AGPAT4: variants seen among roughly 807,000 people sequenced by gnomAD.
AGPAT4 encodes 1-acyl-sn-glycerol-3-phosphate acyltransferase delta.
In AGPAT4, 15 loss-of-function variants were observed where a neutral mutation model predicts 48.0. The observed-to-expected ratio is 0.31, with a 90% CI of 0.21 to 0.48. The LOEUF is 0.48. Ranked by LOEUF, AGPAT4 falls within the 20% of genes least tolerant of loss-of-function variation. The pLI, the probability that AGPAT4 is intolerant of heterozygous loss-of-function variation, is 0.99. For missense variants in AGPAT4, 314 were observed against 482.5 expected, an observed-to-expected ratio of 0.65 and a Z score of 3.27; for synonymous variants, 178 against 198.7, an observed-to-expected ratio of 0.90 and a Z score of 0.88.
chr6:161,151,340 C>A (rs960604118), intron 5 of AGPAT4, among the ~76,000 whole-genome samples: 1 of 152,240 alleles, frequency 6.6e-6, no homozygotes, highest in Non-Finnish European at 1.5e-5. Context: ...CAGACGCGCC[C>A]GAGACCGGTG....
rs562827591 is a variant in AGPAT4, at chr6:161,264,806, G to A, written c.-90+9132C>T. Among the ~76,000 whole-genome samples the A allele has an allele frequency of 2.6e-5, 4 of 152,248 alleles. No individual in the cohort carries two copies. Among genetic ancestry groups the A allele is most frequent in the Admixed American group, 1.3e-4 (2 of 15,296 alleles). On this transcript the variant is annotated intron_variant, in intron 1 of 8. Coordinates refer to ENST00000320285, the MANE Select transcript of AGPAT4 (RefSeq NM_020133.3). The surrounding 1 kb of genome is among the most constrained non-coding windows in gnomAD (Gnocchi z 6.8). ...AGCCTGAAAGCGAGAAGGGAGAAGC[G>A]AGATGGGAAGATAAAAGGGAGGGAC...
chr6:161,211,495 A>AG (rs1781521505), intron 2 of AGPAT4, among the ~76,000 whole-genome samples: 1 of 152,140 alleles, frequency 6.6e-6, no homozygotes, highest in South Asian at 2.1e-4. Flanking sequence ...ATTTCATATG[A>AG]GAAAAAAATC....
At chr6:161,181,013 G>A (rs1192111674) in intron 2 of AGPAT4, among the ~76,000 whole-genome samples, 2 of 152,188 alleles carry the variant, frequency 1.3e-5, no homozygotes, top group Admixed American at 6.5e-5. Context: ...GGAGGGAAAT[G>A]ATGGCACCCT....
At chr6:161,273,614 T>C (rs899423414) in intron 1 of AGPAT4, among the ~76,000 whole-genome samples, 1 of 152,048 alleles carries the variant, frequency 6.6e-6, no homozygotes, top group African/African-American at 2.4e-5. Flanking sequence ...GAAAATGCTT[T>C]AGCCCCGGGA....
intron 2 of AGPAT4, among the ~76,000 whole-genome samples, chr6:161,193,542 A>C (rs898161713): frequency 2.0e-5 from 3 of 152,164 alleles, no homozygotes; most frequent in Admixed American, 1.3e-4. Flanking sequence ...CCTCAGCTCA[A>C]CTCAGACCAA....
chr6:161,181,760 C>T (rs1780601078), intron 2 of AGPAT4, among the ~76,000 whole-genome samples: 2 of 152,138 alleles, frequency 1.3e-5, no homozygotes, highest in South Asian at 2.1e-4. Flanking sequence ...TTCCCACTCA[C>T]ACGTCCGCAC....
Position 161,229,338 on chromosome 6 carries a change from T to A in AGPAT4, c.178+2698A>T, listed in dbSNP as rs1296476099. On this transcript the variant is annotated intron_variant, in intron 2 of 8. Transcript: ENST00000320285. This position sits in a 1 kb window ranked among gnomAD's most constrained non-coding sequence, Gnocchi z 6.0. ...GACACAATTAAAGCCATGAACAGTT[T>A]CTATCTTAACTCAGAGGGAAGCAGA... Among the ~76,000 whole-genome samples the A allele has an allele frequency of 6.6e-6, 1 of 152,168 alleles. No individual in the cohort carries two copies. Among genetic ancestry groups the A allele is most frequent in the Non-Finnish European group, 1.5e-5 (1 of 68,034 alleles).
chr6:161,239,816 T>C (rs1782429821), intron 1 of AGPAT4, among the ~76,000 whole-genome samples: 1 of 152,224 alleles, frequency 6.6e-6, no homozygotes, highest in Non-Finnish European at 1.5e-5. Flanking sequence ...TCAGTGTGAG[T>C]ACAAATCCAT....
In AGPAT4 at chr6:161,221,895, C is replaced by T. The variant is rs529138126; in HGVS notation, c.178+10141G>A. Among the ~76,000 whole-genome samples, 1 of 152,206 alleles carries T rather than the reference C, an allele frequency of 6.6e-6. No individual in the cohort carries two copies. Among genetic ancestry groups the T allele is most frequent in the East Asian group, 1.9e-4 (1 of 5,192 alleles). On this transcript the variant is annotated intron_variant, in intron 2 of 8. Transcript: ENST00000320285. This position sits in a 1 kb window ranked among gnomAD's most constrained non-coding sequence, Gnocchi z 4.5. ...GTGGGATTAGGGCATACCCTAATGG[C>T]CTCATCTTAACTTGATCATCTATGA...
In AGPAT4 at chr6:161,204,676, A is replaced by G. The variant is rs77336937; in HGVS notation, c.178+27360T>C. Among the ~76,000 whole-genome samples, 15,498 of 152,052 alleles carry G rather than the reference A, an allele frequency of 0.1. 834 individuals are homozygous for G. The highest frequency in any genetic ancestry group is 0.16 in the South Asian group (751 of 4,800). On this transcript the variant is annotated intron_variant, in intron 2 of 8. Coordinates refer to ENST00000320285, the MANE Select transcript of AGPAT4 (RefSeq NM_020133.3). The surrounding 1 kb of genome is among the most constrained non-coding windows in gnomAD (Gnocchi z 4.4). ...TGATGTATGGTTGTTTGTCATCAGC[A>G]GCTGTTAAAAAAAAATGTTCCCTAA...
intron 1 of AGPAT4, among the ~76,000 whole-genome samples, chr6:161,257,308 T>A (rs537375883): frequency 2.0e-5 from 3 of 152,276 alleles, no homozygotes; most frequent in South Asian, 4.1e-4. Flanking sequence ...TTATGCTAAA[T>A]GAACAGAGCC....
chr6:161,149,293 T>C lies in AGPAT4; in HGVS notation c.665-4A>G. Reference sequence around the variant, plus strand: ...GTACAGTCATATACAGCTGAAACTATAAAAAATAAAACAAATACAAAGCAG... The same window carrying C: ...GTACAGTCATATACAGCTGAAACTACAAAAAATAAAACAAATACAAAGCAG... On this transcript the variant is annotated splice_polypyrimidine_tract_variant and splice_region_variant and intron_variant, in intron 5 of 8. Coordinates refer to ENST00000320285, the MANE Select transcript of AGPAT4 (RefSeq NM_020133.3). The surrounding 1 kb of genome is among the most constrained non-coding windows in gnomAD (Gnocchi z 6.5). 2 of 1,606,130 alleles carry C rather than the reference T, an allele frequency of 1.2e-6. No homozygotes were observed. Among genetic ancestry groups the C allele is most frequent in the Non-Finnish European group, 1.7e-6 (2 of 1,178,738 alleles).
chr6:161,153,239 C>CG, intron 5 of AGPAT4, 107 bp downstream of exon 5: 2 of 1,433,164 alleles, frequency 1.4e-6, no homozygotes, highest in South Asian at 2.7e-5. Context: ...CTCCTAGCCT[C>CG]AAGTCAGCTG....
chr6:161,219,949 G>GGC lies in AGPAT4; in HGVS notation c.178+12086_178+12087insGC, dbSNP rs1442150233. Among the ~76,000 whole-genome samples the GGC allele has an allele frequency of 2.9e-4, 43 of 150,216 alleles. 1 individual carries two copies. Among genetic ancestry groups the GGC allele is most frequent in the Admixed American group, 1.3e-3 (20 of 15,146 alleles). Reference sequence around the variant, plus strand: ...AGGCAGGCAGGCAGGCAGGCAGGCAGACAGACAGACAGACAGACAGGCAGG... The same window carrying GGC: ...AGGCAGGCAGGCAGGCAGGCAGGCAGGCACAGACAGACAGACAGACAGGCAGG... On this transcript the variant is annotated intron_variant, in intron 2 of 8. Coordinates refer to ENST00000320285, the MANE Select transcript of AGPAT4 (RefSeq NM_020133.3). This position sits in a 1 kb window ranked among gnomAD's most constrained non-coding sequence, Gnocchi z 4.9.
chr6:161,241,881 C>CA (rs1782503991), intron 1 of AGPAT4, among the ~76,000 whole-genome samples: 2 of 152,112 alleles, frequency 1.3e-5, no homozygotes, highest in African/African-American at 4.8e-5. Context: ...TACAGGCATG[C>CA]ACTATCACGC....
rs1413997034 is a variant in AGPAT4 at position 161,147,564 on chromosome 6, A to G, written c.768-965T>C. 6.6e-6 allele frequency among the ~76,000 whole-genome samples: 1 copy of G among 152,232 alleles called. No individual in the cohort carries two copies. Among genetic ancestry groups the G allele is most frequent in the Admixed American group, 6.5e-5 (1 of 15,286 alleles). On this transcript the variant is annotated intron_variant, in intron 6 of 8. Coordinates refer to ENST00000320285, the MANE Select transcript of AGPAT4 (RefSeq NM_020133.3). This position sits in a 1 kb window ranked among gnomAD's most constrained non-coding sequence, Gnocchi z 4.8. The stretch of plus-strand genomic sequence containing the variant: ...AAAGGATGGGATTCCATCTTATAAC[A>G]GATTACAATGAGCCACTTCCTTTTC...
rs1241131954 is a variant in AGPAT4 at position 161,243,587 on chromosome 6, G to A, written c.-89-11285C>T. Among the ~76,000 whole-genome samples, 2 of 152,072 alleles carry A rather than the reference G, an allele frequency of 1.3e-5. No homozygotes were observed. Among genetic ancestry groups the A allele is most frequent in the Non-Finnish European group, 2.9e-5 (2 of 68,024 alleles). Reference sequence around the variant, plus strand: ...CGGGTCTGTATCTGCTAATGGAGGTGAAATTCCCTGCCTCCCACCGTGCTG... The same window carrying A: ...CGGGTCTGTATCTGCTAATGGAGGTAAAATTCCCTGCCTCCCACCGTGCTG... On this transcript the variant is annotated intron_variant, in intron 1 of 8. Coordinates refer to ENST00000320285, the MANE Select transcript of AGPAT4 (RefSeq NM_020133.3). This position sits in a 1 kb window ranked among gnomAD's most constrained non-coding sequence, Gnocchi z 4.8.
intron 1 of AGPAT4, among the ~76,000 whole-genome samples, chr6:161,250,412 C>T (rs557618600): frequency 1.3e-5 from 2 of 152,176 alleles, no homozygotes; most frequent in South Asian, 2.1e-4. Flanking sequence ...CTTTTCTAGC[C>T]TTTAATGTGA....
In AGPAT4 at chr6:161,165,541, A is replaced by G. The variant is rs991095658; in HGVS notation, c.348+707T>C. On this transcript the variant is annotated intron_variant, in intron 3 of 8. Coordinates refer to ENST00000320285, the MANE Select transcript of AGPAT4 (RefSeq NM_020133.3). The surrounding 1 kb of genome is among the most constrained non-coding windows in gnomAD (Gnocchi z 5.5). ...TAGGACCTTTCCTAGCCCCAGACCA[A>G]TGTACACTGTGTACACTGTGATTCC... 2.5e-5 allele frequency: 31 copies of G among 1,240,346 alleles called. No individual in the cohort carries two copies. Among genetic ancestry groups the G allele is most frequent in the Middle Eastern group, 3.1e-4 (1 of 3,256 alleles). 76.8% of individuals were successfully genotyped at this position (1,240,346 alleles called of 1,614,324 possible). A position where few individuals can be genotyped will look rare whatever the true frequency, so the allele number is the denominator to read the frequency against.
Sources: gnomAD v4.1 joint callset for allele counts (sites outside exome capture counted in the v4.1 genomes callset) on GRCh38, gnomAD v4.1.1 for gene constraint, Gnocchi (gnomAD v3.1) non-coding constraint, MANE v1.5 for transcripts, NCBI Gene and HGNC (gene_info 2026-07-23, HGNC 2026-07-21) for gene names.